The following DIAPH2 variants were observed in gnomAD, a reference collection of about 807,000 sequenced individuals.
The protein encoded by DIAPH2 is protein diaphanous homolog 2.
DIAPH2 carries 35 observed loss-of-function variants against 92.7 expected under a neutral mutation model. The observed-to-expected ratio is 0.38, with a 90% CI of 0.29 to 0.50. DIAPH2 has a LOEUF of 0.50. Ranked by LOEUF, DIAPH2 falls within the 20% of genes least tolerant of loss-of-function variation. The probability of loss-of-function intolerance (pLI) is 0.94; values close to 1 mark genes in which losing one functional copy is unlikely to be tolerated. For missense variants in DIAPH2, 701 were observed against 819.5 expected, an observed-to-expected ratio of 0.86 and a Z score of 1.77; for synonymous variants, 301 against 280.4, an observed-to-expected ratio of 1.07 and a Z score of -0.73.
intron 24 of DIAPH2, among the ~76,000 whole-genome samples, chrX:97,365,115 C>T (rs1320685202): frequency 9.0e-6 from 1 of 111,347 alleles, no homozygotes; most frequent in Non-Finnish European, 1.9e-5. Flanking sequence ...CCAGCTTATG[C>T]AGTTAAAACT....
intron 22 of DIAPH2, among the ~76,000 whole-genome samples, chrX:97,209,378 A>T (rs151049297): frequency 0.012 from 1,348 of 111,417 alleles, 30 homozygotes; most frequent in African/African-American, 0.041. Context: ...AAACAAGCAA[A>T]TGCCCAAATT....
intron 23 of DIAPH2, among the ~76,000 whole-genome samples, chrX:97,336,451 A>C (rs1357438712): frequency 9.3e-6 from 1 of 107,376 alleles, no homozygotes; most frequent in Non-Finnish European, 1.9e-5. Context: ...GGGTTTCACC[A>C]TGTTAGCCAG....
At chrX:96,761,079 T>C (rs1330493179) in intron 4 of DIAPH2, among the ~76,000 whole-genome samples, 1 of 111,241 alleles carries the variant, frequency 9.0e-6, no homozygotes, top group Non-Finnish European at 1.9e-5. Context: ...TTTGTTAATA[T>C]TGCAAAAGTT....
chrX:96,733,635 T>C (rs912537454), intron 1 of DIAPH2, among the ~76,000 whole-genome samples: 5 of 111,901 alleles, frequency 4.5e-5, no homozygotes, highest in Admixed American at 2.9e-4. Flanking sequence ...GTTTTCACAG[T>C]ATCACTTTGT....
At chrX:96,792,320 G>A (rs1162684169) in intron 4 of DIAPH2, among the ~76,000 whole-genome samples, 1 of 111,425 alleles carries the variant, frequency 9.0e-6, no homozygotes, top group Non-Finnish European at 1.9e-5. Flanking sequence ...GAACAAGAAT[G>A]CATGGCCACC....
intron 15 of DIAPH2, among the ~76,000 whole-genome samples, chrX:96,949,870 A>G (rs1382124873): frequency 9.5e-6 from 1 of 105,679 alleles, no homozygotes; most frequent in East Asian, 2.9e-4. Flanking sequence ...AAAAAAAGAA[A>G]AAAAAAAAAA....
intron 1 of DIAPH2, among the ~76,000 whole-genome samples, chrX:96,714,333 C>A (rs1322402086): frequency 5.0e-5 from 5 of 100,505 alleles, no homozygotes; most frequent in Non-Finnish European, 8.1e-5. Context: ...GGTGTGACCT[C>A]GGCTCACCGC....
At chrX:96,917,235 C>T (rs774014859) in intron 8 of DIAPH2, among the ~76,000 whole-genome samples, 1 of 110,939 alleles carries the variant, frequency 9.0e-6, no homozygotes, top group East Asian at 2.8e-4. Context: ...GCTAAGGACC[C>T]GAACCAAAAT....
chrX:97,225,080 A>G (rs1366680069), intron 22 of DIAPH2, among the ~76,000 whole-genome samples: 1 of 110,561 alleles, frequency 9.0e-6, no homozygotes, highest in African/African-American at 3.3e-5. Context: ...TGGTGCAGTT[A>G]TTTACTCTAA....
intron 23 of DIAPH2, among the ~76,000 whole-genome samples, chrX:97,269,631 A>G (rs960545195): frequency 5.4e-5 from 6 of 112,118 alleles, no homozygotes; most frequent in African/African-American, 1.9e-4. Flanking sequence ...GAGGAAGCAT[A>G]CTGGGTCAGT....
At chrX:96,736,970 C>G (rs2064091644) in intron 2 of DIAPH2, among the ~76,000 whole-genome samples, 1 of 112,021 alleles carries the variant, frequency 8.9e-6, no homozygotes. Flanking sequence ...TTTTGGATTA[C>G]TTAACTTTTT....
intron 22 of DIAPH2, among the ~76,000 whole-genome samples, chrX:97,239,036 A>G (rs1221800137): frequency 8.9e-6 from 1 of 111,811 alleles, no homozygotes; most frequent in Non-Finnish European, 1.9e-5. Flanking sequence ...GTGCTCCGTT[A>G]ATTTGTCAAT....
At chrX:96,848,632 A>G (rs186400567) in intron 4 of DIAPH2, among the ~76,000 whole-genome samples, 48 of 111,992 alleles carry the variant, frequency 4.3e-4, no homozygotes, top group African/African-American at 1.5e-3. Flanking sequence ...TTTTTGTTGA[A>G]TAAATGGATA....
intron 26 of DIAPH2, among the ~76,000 whole-genome samples, chrX:97,569,081 C>CCAAT (rs2071346826): frequency 8.9e-6 from 1 of 111,774 alleles, no homozygotes; most frequent in Non-Finnish European, 1.9e-5. Context: ...TATTTTATTA[C>CCAAT]CAATCAACCT....
chrX:97,306,304 C>G (rs935983982), intron 23 of DIAPH2, among the ~76,000 whole-genome samples: 8 of 111,025 alleles, frequency 7.2e-5, no homozygotes, highest in African/African-American at 2.6e-4. Flanking sequence ...TCTCTTTGGC[C>G]CCCAGAGTAG....
At chrX:97,373,350 G>A (rs1378868768) in intron 24 of DIAPH2, among the ~76,000 whole-genome samples, 15 of 110,124 alleles carry the variant, frequency 1.4e-4, no homozygotes, top group Non-Finnish European at 2.5e-4. Context: ...ACTATGTGTA[G>A]AGACGTTCTC....
At chrX:96,718,646 G>C (rs2063970444) in intron 1 of DIAPH2, among the ~76,000 whole-genome samples, 1 of 111,147 alleles carries the variant, frequency 9.0e-6, no homozygotes, top group Non-Finnish European at 1.9e-5. Context: ...GAGCCACTGT[G>C]CCCAGCCACC....
intron 4 of DIAPH2, among the ~76,000 whole-genome samples, chrX:96,839,661 G>T (rs2064923119): frequency 9.0e-6 from 1 of 111,121 alleles, no homozygotes; most frequent in South Asian, 3.7e-4. Flanking sequence ...TTTTACCTCG[G>T]GCATGAACTT....
At position 97,353,060 on chromosome X, in the gene DIAPH2, C is replaced by T. The variant is rs775888657; in HGVS notation, c.3009+4780C>T. Among the ~76,000 whole-genome samples, 5 of 109,005 alleles carry T rather than the reference C, an allele frequency of 4.6e-5. No homozygotes were observed. In the East Asian group the frequency reaches 1.1e-3, roughly 25 times the overall value. The allele number at this position is 109,005 out of a possible 115,157, so 94.7% of individuals were successfully genotyped here. On this transcript the variant is annotated intron_variant, in intron 24 of 26. Coordinates refer to ENST00000324765, the MANE Select transcript of DIAPH2 (RefSeq NM_006729.5). Reference sequence around the variant, plus strand: ...CTTAATGGGTATGATGTATGTTATTCGGGTGATGGATACCCTAAAAGCTCT... The same window carrying T: ...CTTAATGGGTATGATGTATGTTATTTGGGTGATGGATACCCTAAAAGCTCT...
Sources: allele counts gnomAD v4.1 joint callset (sites outside exome capture counted in the v4.1 genomes callset), GRCh38; gene constraint gnomAD v4.1.1; transcripts MANE v1.5; gene names NCBI Gene and HGNC (gene_info 2026-07-23, HGNC 2026-07-21).